Variants in SHROOM3 observed in about 807,000 individuals in gnomAD.
SHROOM3 encodes the protein shroom family member 3.
A neutral mutation model predicts 138.6 loss-of-function variants in SHROOM3; 47 were observed. The observed-to-expected ratio is 0.34, with a 90% CI of 0.27 to 0.43. The LOEUF (loss-of-function observed/expected upper bound fraction) is 0.43, where lower values mean the gene tolerates loss of function less well. Among genes scored for constraint, SHROOM3 ranks in the 20% least tolerant of loss-of-function variants. The pLI is 1.00. For synonymous variants in SHROOM3, 1,062 were observed against 1,063.3 expected (o/e 1.00, Z 0.02); for missense variants, 2,491 against 2,596.5 (o/e 0.96, Z 0.88).
chr4:76,739,656 C>T lies in SHROOM3; in HGVS notation c.1483C>T (p.Leu495=), dbSNP rs765453548. 6.2e-6 allele frequency: 10 copies of T among 1,614,046 alleles called. No individual in the cohort carries two copies. The highest frequency in any genetic ancestry group is 8.5e-6 in the Non-Finnish European group (10 of 1,180,036). ...VSSNGMLYPA[L]AKESGYIAPQ... is the part of the protein sequence containing the mutation. The stretch of plus-strand genomic sequence containing the variant: ...TAGCAACGGTATGCTCTACCCTGCA[C>T]TGGCCAAGGAGAGTGGATACATAGC... Residue 495 remains leucine, a synonymous_variant, in exon 5 of 11, where the codon CTG becomes TTG. Coordinates refer to ENST00000296043, the MANE Select transcript of SHROOM3 (RefSeq NM_020859.4).
At chr4:76,468,368 T>C (rs1397470384) in intron 1 of SHROOM3, among the ~76,000 whole-genome samples, 2 of 152,342 alleles carry the variant, frequency 1.3e-5, no homozygotes, top group East Asian at 1.9e-4. Flanking sequence ...AAATACTCAA[T>C]GTACACAGTC....
intron 1 of SHROOM3, among the ~76,000 whole-genome samples, chr4:76,514,248 C>T (rs1262426010): frequency 1.3e-5 from 2 of 152,040 alleles, no homozygotes; most frequent in African/African-American, 2.4e-5. Flanking sequence ...AGTGGAGAAA[C>T]CCACATTTTT....
intron 2 of SHROOM3, among the ~76,000 whole-genome samples, chr4:76,557,514 GA>G (rs1327280947): frequency 6.6e-6 from 1 of 152,082 alleles, no homozygotes; most frequent in Admixed American, 6.6e-5. Flanking sequence ...TTAGTTATAA[GA>G]TGAATAAGTT....
intron 1 of SHROOM3, among the ~76,000 whole-genome samples, chr4:76,496,950 G>A (rs1424522175): frequency 6.6e-6 from 1 of 152,186 alleles, no homozygotes; most frequent in East Asian, 1.9e-4. Flanking sequence ...TATCTGACTT[G>A]ATAGCATGTA....
intron 1 of SHROOM3, among the ~76,000 whole-genome samples, chr4:76,477,079 T>C (rs1731500046): frequency 6.6e-6 from 1 of 152,198 alleles, no homozygotes. Flanking sequence ...GCCATTCTCC[T>C]GCCTCAGCCT....
At chr4:76,766,450 G>T (rs926608072) in intron 9 of SHROOM3, among the ~76,000 whole-genome samples, 2 of 152,186 alleles carry the variant, frequency 1.3e-5, no homozygotes, top group African/African-American at 4.8e-5. Context: ...GGGAGGCAGG[G>T]TCTATGAAGC....
intron 1 of SHROOM3, among the ~76,000 whole-genome samples, chr4:76,485,069 C>T (rs1258652433): frequency 2.6e-5 from 4 of 152,226 alleles, no homozygotes; most frequent in African/African-American, 9.6e-5. Flanking sequence ...GGGAAACACA[C>T]TGTTGTCGCC....
At chr4:76,480,229 T>G (rs1282689377) in intron 1 of SHROOM3, among the ~76,000 whole-genome samples, 1 of 152,180 alleles carries the variant, frequency 6.6e-6, no homozygotes, top group African/African-American at 2.4e-5. Flanking sequence ...CGGTGTGCTG[T>G]ATTCAGGAGA....
intron 1 of SHROOM3, among the ~76,000 whole-genome samples, chr4:76,516,436 A>G (rs965012671): frequency 1.3e-5 from 2 of 152,116 alleles, no homozygotes; most frequent in Admixed American, 1.3e-4. Context: ...CTCTTATGAC[A>G]TGAAGGACTG....
At chr4:76,496,292 G>C (rs1482428001) in intron 1 of SHROOM3, among the ~76,000 whole-genome samples, 1 of 152,170 alleles carries the variant, frequency 6.6e-6, no homozygotes, top group African/African-American at 2.4e-5. Flanking sequence ...CACAGTAGTG[G>C]TCCAAGGAAT....
At position 76,759,529 on chromosome 4, in the gene SHROOM3, GCT is replaced by G. The variant is rs1241980524; in HGVS notation, c.5199-13_5199-12del. 6.2e-7 allele frequency: 1 copy of G among 1,613,806 alleles called. No homozygotes were observed. The highest frequency in any genetic ancestry group is 8.5e-7 in the Non-Finnish European group (1 of 1,179,928). Reference sequence around the variant, plus strand: ...CGTGATCTGTGTGGCTATACTTTGTGCTCTTTTTGGCCCAGGAATGAAGACAA... The same window carrying G: ...CGTGATCTGTGTGGCTATACTTTGTGCTTTTTGGCCCAGGAATGAAGACAA... On this transcript the variant is annotated splice_polypyrimidine_tract_variant and intron_variant, in intron 8 of 10. Coordinates refer to ENST00000296043, the MANE Select transcript of SHROOM3 (RefSeq NM_020859.4).
At chr4:76,593,338 A>G (rs1734315116) in intron 2 of SHROOM3, among the ~76,000 whole-genome samples, 1 of 152,226 alleles carries the variant, frequency 6.6e-6, no homozygotes, top group African/African-American at 2.4e-5. Context: ...AATAACCCCT[A>G]GAGGATTTGG....
intron 2 of SHROOM3, among the ~76,000 whole-genome samples, chr4:76,709,467 C>A (rs1305204771): frequency 6.6e-6 from 1 of 152,138 alleles, no homozygotes. Flanking sequence ...GTTCCTGTTC[C>A]CATGGCGGAA....
At chr4:76,436,467 G>A (rs922174657) in intron 1 of SHROOM3, among the ~76,000 whole-genome samples, 7 of 152,144 alleles carry the variant, frequency 4.6e-5, no homozygotes, top group Non-Finnish European at 7.3e-5. Context: ...TTTTGTGAAT[G>A]AAATCGCATA....
At chr4:76,526,960 G>A (rs970667513) in intron 1 of SHROOM3, among the ~76,000 whole-genome samples, 13 of 152,176 alleles carry the variant, frequency 8.5e-5, no homozygotes, top group African/African-American at 3.1e-4. Context: ...CTGAACAATG[G>A]TAGCATACAT....
chr4:76,642,876 T>C (rs2110082305), intron 2 of SHROOM3, among the ~76,000 whole-genome samples: 1 of 152,038 alleles, frequency 6.6e-6, no homozygotes, highest in Non-Finnish European at 1.5e-5. Context: ...TTGAGATTAA[T>C]GTATCATTTG....
rs371949767 is a variant in SHROOM3 at position 76,576,476 on chromosome 4, G to A, written c.323+20713G>A. On this transcript the variant is annotated intron_variant, in intron 2 of 10. Coordinates refer to ENST00000296043, the MANE Select transcript of SHROOM3 (RefSeq NM_020859.4). ...ACAATGGAACTCATGGACACAGAGA[G>A]TAGAAGGATGGTTACAGAGGCTGGG... Among the ~76,000 whole-genome samples the A allele has an allele frequency of 2.1e-3, 320 of 152,286 alleles. 2 individuals carry two copies. The highest frequency in any genetic ancestry group is 7.4e-3 in the African/African-American group (307 of 41,558).
rs140124788 is a variant in SHROOM3 at position 76,755,245 on chromosome 4, C to T, written c.4709+53C>T. The T allele has an allele frequency of 8.5e-4, 1,341 of 1,582,898 alleles. 8 individuals are homozygous for T. In the African/African-American group the frequency reaches 0.016, roughly 19 times the overall value. On this transcript the variant is annotated intron_variant, in intron 7 of 10. Transcript: ENST00000296043. Reference sequence around the variant, plus strand: ...CCCACTAACAGGAGAGTGTCATGCCCCAGGTGGCCCAGGTCCTTCTGCTGG... The same window carrying T: ...CCCACTAACAGGAGAGTGTCATGCCTCAGGTGGCCCAGGTCCTTCTGCTGG...
At chr4:76,773,060 AT>A (rs1722416233) in intron 10 of SHROOM3, among the ~76,000 whole-genome samples, 3 of 152,218 alleles carry the variant, frequency 2.0e-5, no homozygotes, top group Non-Finnish European at 4.4e-5. Context: ...ACATACAGTG[AT>A]TGCTTGGTTT....
Sources: gnomAD v4.1 joint callset for allele counts (sites outside exome capture counted in the v4.1 genomes callset) on GRCh38, gnomAD v4.1.1 for gene constraint, MANE v1.5 for transcripts, NCBI Gene and HGNC (gene_info 2026-07-23, HGNC 2026-07-21) for gene names.